Variants in LCOR observed in about 807,000 individuals in gnomAD.
The protein encoded by LCOR is ligand-dependent corepressor.
LCOR carries 14 observed loss-of-function variants against 64.4 expected under a neutral mutation model. The observed-to-expected ratio is 0.22, with a 90% CI of 0.14 to 0.34. LCOR has a LOEUF of 0.34. Among genes scored for constraint, LCOR ranks in the 10% least tolerant of loss-of-function variants. The pLI is 1.00. For synonymous variants in LCOR, 643 were observed against 642.5 expected (o/e 1.00, Z -0.01); for missense variants, 1,686 against 1,765.3 (o/e 0.96, Z 0.80).
chr10:96,833,621 C>T (rs1328050162), intron 2 of LCOR, 142 bp downstream of exon 2: 1 of 209,950 alleles, frequency 4.8e-6, no homozygotes, highest in Non-Finnish European at 8.3e-6. Flanking sequence ...GATGCCCTCT[C>T]GTCGTCCGCT....
chr10:96,879,071 C>T (rs1846217264), intron 2 of LCOR, among the ~76,000 whole-genome samples: 1 of 152,200 alleles, frequency 6.6e-6, no homozygotes, highest in South Asian at 2.1e-4. Flanking sequence ...GCTGGGATTA[C>T]AGTCTTGAGC....
intron 4 of LCOR, among the ~76,000 whole-genome samples, chr10:96,909,018 T>C (rs1846782137): frequency 6.6e-6 from 1 of 152,176 alleles, no homozygotes; most frequent in South Asian, 2.1e-4. Flanking sequence ...CCCGGCCTTC[T>C]TCTGTCCTAT....
chr10:96,932,992 A>G (rs777160264), intron 4 of LCOR, among the ~76,000 whole-genome samples: 15 of 152,250 alleles, frequency 9.9e-5, no homozygotes, highest in Non-Finnish European at 1.6e-4. Context: ...ATGCACAGTT[A>G]TAGTAACAAA....
intron 4 of LCOR, among the ~76,000 whole-genome samples, chr10:96,924,439 G>C (rs1049326134): frequency 6.6e-6 from 1 of 151,426 alleles, no homozygotes; most frequent in Admixed American, 6.6e-5. Context: ...ATGGGGTTTT[G>C]CCATGTTGCC....
intron 4 of LCOR, among the ~76,000 whole-genome samples, chr10:96,911,093 CTTTTTTT>C (rs71007308): frequency 4.4e-5 from 5 of 114,150 alleles, no homozygotes; most frequent in Admixed American, 9.2e-5. Flanking sequence ...TACATGTTCC[CTTTTTTT>C]TTTTTTTTTT....
At position 96,899,200 on chromosome 10, in the gene LCOR, T is replaced by A. The variant is rs544535392; in HGVS notation, c.-329-8065T>A. Reference sequence around the variant, plus strand: ...GGTATTTAGGAGATTTTGGTGATAATATGAAGTAGGAAATTAGAAATTTGG... The same window carrying A: ...GGTATTTAGGAGATTTTGGTGATAAAATGAAGTAGGAAATTAGAAATTTGG... On this transcript the variant is annotated intron_variant, in intron 2 of 7. Coordinates refer to ENST00000421806, the MANE Select transcript of LCOR (RefSeq NM_001346516.2). 2.6e-5 allele frequency among the ~76,000 whole-genome samples: 4 copies of A among 152,220 alleles called. No homozygotes were observed. The South Asian group carries it at 8.3e-4, about 32-fold the overall frequency.
At position 96,987,057 on chromosome 10, in the gene LCOR, C is replaced by G. The variant is rs569425843; in HGVS notation, c.*1923C>G. ...GCCCTGATTTTTTTTCATGTCTTCT[C>G]TATCTGATGAGTCTTTTTCTTTTTA... On this transcript the variant is annotated 3_prime_UTR_variant, in exon 8 of 8. Coordinates refer to ENST00000421806, the MANE Select transcript of LCOR (RefSeq NM_001346516.2). 2 of 152,230 alleles carry G rather than the reference C, an allele frequency of 1.3e-5. No homozygotes were observed. Among genetic ancestry groups the G allele is most frequent in the African/African-American group, 4.8e-5 (2 of 41,556 alleles). The allele number at this position is 152,230 out of a possible 1,614,324, so 9.4% of individuals were successfully genotyped here.
chr10:96,985,876 A>G lies in LCOR; in HGVS notation c.*742A>G, dbSNP rs1256905762. On this transcript the variant is annotated 3_prime_UTR_variant, in exon 8 of 8. Coordinates refer to ENST00000421806, the MANE Select transcript of LCOR (RefSeq NM_001346516.2). The stretch of plus-strand genomic sequence containing the variant: ...TTACAAACTCTAAAAAATCATTTGC[A>G]TCCCCAAACTGTATTACTAATTCTC... 1 of 167,036 alleles carries G rather than the reference A, an allele frequency of 6.0e-6. No individual in the cohort carries two copies. The highest frequency in any genetic ancestry group is 1.5e-5 in the Non-Finnish European group (1 of 68,114). The allele number at this position is 167,036 out of a possible 1,614,324, so 10.3% of individuals were successfully genotyped here.
rs1282142565 is a variant in LCOR, at chr10:96,857,936, A to G, written c.-330+24457A>G. Among the ~76,000 whole-genome samples the G allele has an allele frequency of 2.0e-5, 3 of 152,198 alleles. No homozygotes were observed. The East Asian group carries it at 5.8e-4, about 29-fold the overall frequency. ...CTAACCCCTGAAGTCTTCTTACCAT[A>G]AAATAGCTCACTCTTTTTCTAGTGT... On this transcript the variant is annotated intron_variant, in intron 2 of 7. Transcript: ENST00000421806.
rs1252507644 is a variant in LCOR at position 96,994,933 on chromosome 10, T to G, written c.*9799T>G. The stretch of plus-strand genomic sequence containing the variant: ...CATTATTTCCTCATATGCATTATGA[T>G]ACTAAGAAATTCAACCCCAACCTGT... On this transcript the variant is annotated 3_prime_UTR_variant, in exon 8 of 8. Coordinates refer to ENST00000421806, the MANE Select transcript of LCOR (RefSeq NM_001346516.2). 6.6e-6 allele frequency: 1 copy of G among 152,236 alleles called. No homozygotes were observed. Among genetic ancestry groups the G allele is most frequent in the African/African-American group, 2.4e-5 (1 of 41,462 alleles). The allele number at this position is 152,236 out of a possible 1,614,324, so 9.4% of individuals were successfully genotyped here.
chr10:96,992,164 T>C lies in LCOR; in HGVS notation c.*7030T>C, dbSNP rs2134574134. On this transcript the variant is annotated 3_prime_UTR_variant, in exon 8 of 8. Transcript: ENST00000421806. The stretch of plus-strand genomic sequence containing the variant: ...TAGAGTCACTATAGCTTAAGGTTAT[T>C]GATTTCACTAGTGTGGTTTCTGCAT... The C allele has an allele frequency of 6.6e-6, 1 of 152,232 alleles. No homozygotes were observed. Among genetic ancestry groups the C allele is most frequent in the East Asian group, 1.9e-4 (1 of 5,204 alleles). The allele number at this position is 152,232 out of a possible 1,614,324, so 9.4% of individuals were successfully genotyped here. A position where few individuals can be genotyped will look rare whatever the true frequency, so the allele number is the denominator to read the frequency against.
chr10:96,951,714 G>A (rs1847684137), intron 6 of LCOR, among the ~76,000 whole-genome samples: 1 of 152,084 alleles, frequency 6.6e-6, no homozygotes, highest in Non-Finnish European at 1.5e-5. Flanking sequence ...TCTATAGTTT[G>A]TATGCCATTG....
intron 7 of LCOR, 152 bp downstream of exon 7, chr10:96,952,348 C>T (rs1279936146): frequency 1.7e-6 from 1 of 583,236 alleles, no homozygotes; most frequent in Admixed American, 3.3e-5. Context: ...ATAATCTGTG[C>T]AATGTAAAAT....
chr10:96,842,617 T>G (rs1355500949), intron 2 of LCOR, among the ~76,000 whole-genome samples: 1 of 151,730 alleles, frequency 6.6e-6, no homozygotes, highest in Non-Finnish European at 1.5e-5. Context: ...AGCTTGCTTT[T>G]TTTTCTTTTC....
intron 4 of LCOR, among the ~76,000 whole-genome samples, chr10:96,934,221 T>C (rs1406408533): frequency 6.6e-6 from 1 of 152,176 alleles, no homozygotes; most frequent in African/African-American, 2.4e-5. Flanking sequence ...ATATATTGTT[T>C]TTGTGTAACT....
intron 5 of LCOR, among the ~76,000 whole-genome samples, chr10:96,946,191 C>G (rs1847587427): frequency 6.6e-6 from 1 of 151,968 alleles, no homozygotes; most frequent in Non-Finnish European, 1.5e-5. Flanking sequence ...CATTAGTACT[C>G]TTTAAATTAA....
intron 2 of LCOR, among the ~76,000 whole-genome samples, chr10:96,867,279 C>T (rs1305453257): frequency 6.6e-6 from 1 of 152,214 alleles, no homozygotes; most frequent in Non-Finnish European, 1.5e-5. Flanking sequence ...GGGCGTGAGC[C>T]ACTGTGCCCG....
At chr10:96,896,235 T>C (rs1398506608) in intron 2 of LCOR, among the ~76,000 whole-genome samples, 2 of 152,200 alleles carry the variant, frequency 1.3e-5, no homozygotes, top group Middle Eastern at 3.2e-3. Context: ...GGGATCTCAC[T>C]ATTACCGTAT....
chr10:96,955,071 G>A, intron 7 of LCOR: 1 of 1,614,158 alleles, frequency 6.2e-7, no homozygotes, highest in South Asian at 1.1e-5. Context: ...ATCACTCAAA[G>A]TTCCACTGGC....
Sources: allele counts gnomAD v4.1 joint callset (sites outside exome capture counted in the v4.1 genomes callset), GRCh38; gene constraint gnomAD v4.1.1; transcripts MANE v1.5; gene names NCBI Gene and HGNC (gene_info 2026-07-23, HGNC 2026-07-21).